Variants in LATS2 observed in about 807,000 individuals in gnomAD.
The protein encoded by LATS2 is serine/threonine-protein kinase LATS2.
A neutral mutation model predicts 76.0 loss-of-function variants in LATS2; 24 were observed. That is an observed-to-expected ratio of 0.32 (90% CI 0.23 to 0.44). LATS2 has a LOEUF of 0.44. Among genes scored for constraint, LATS2 ranks in the 20% least tolerant of loss-of-function variants. The probability of loss-of-function intolerance (pLI) is 1.00; values close to 1 mark genes in which losing one functional copy is unlikely to be tolerated. For synonymous variants in LATS2, 692 were observed against 635.4 expected (o/e 1.09, Z -1.34); for missense variants, 1,286 against 1,481.2 (o/e 0.87, Z 2.16).
In LATS2 at chr13:21,046,209, T is replaced by G; in HGVS notation, c.-183A>C. On this transcript the variant is annotated 5_prime_UTR_variant, in exon 2 of 8. Coordinates refer to ENST00000382592, the MANE Select transcript of LATS2 (RefSeq NM_014572.3). ...GAGAACCTAAAATTTTCCAAAGTCTTCATTTTGAAGATTATCACTCTCTGA... is the reference window on the plus strand; with the variant it reads ...GAGAACCTAAAATTTTCCAAAGTCTGCATTTTGAAGATTATCACTCTCTGA... 2.0e-6 allele frequency: 1 copy of G among 498,458 alleles called. No homozygotes were observed. 30.9% of individuals were successfully genotyped at this position (498,458 alleles called of 1,614,324 possible).
chr13:20,988,571 G>A lies in LATS2; in HGVS notation c.1209C>T (p.Pro403=), dbSNP rs755891065. Residue 403 remains proline, a synonymous_variant, in exon 4 of 8, where the codon CCC becomes CCT. Transcript: ENST00000382592. ...GGCTGTTGAAGGAGTTGGTCCTGCTGGGCACTGGGCAGTCAGGCCGGAAGG... is the reference window on the plus strand; with the variant it reads ...GGCTGTTGAAGGAGTTGGTCCTGCTAGGCACTGGGCAGTCAGGCCGGAAGG... ...HVAFRPDCPV[P]SRTNSFNSHQ... 1.9e-6 allele frequency: 3 copies of A among 1,586,800 alleles called. No individual in the cohort carries two copies. In the South Asian group the frequency reaches 3.3e-5, roughly 18 times the overall value.
chr13:20,996,352 T>C (rs1302773104), intron 2 of LATS2, among the ~76,000 whole-genome samples: 5 of 151,808 alleles, frequency 3.3e-5, no homozygotes, highest in African/African-American at 1.2e-4. Context: ...GCATTTTTTT[T>C]CTACCTACAT....
intron 2 of LATS2, among the ~76,000 whole-genome samples, chr13:21,024,133 T>A (rs796256509): frequency 1.7e-4 from 24 of 141,998 alleles, no homozygotes; most frequent in African/African-American, 5.4e-4. Context: ...AAAAAACAGC[T>A]TGAAAAATAA....
chr13:21,040,596 C>T (rs990066556), intron 2 of LATS2, among the ~76,000 whole-genome samples: 2 of 152,094 alleles, frequency 1.3e-5, no homozygotes, highest in Non-Finnish European at 2.9e-5. Flanking sequence ...GCGGGAAGAG[C>T]TGTCTGGGAG....
intron 2 of LATS2, among the ~76,000 whole-genome samples, chr13:21,003,417 A>C (rs1173229225): frequency 6.7e-6 from 1 of 148,970 alleles, no homozygotes; most frequent in Non-Finnish European, 1.5e-5. Context: ...ACACACAACT[A>C]ATTTTTGTCT....
chr13:20,996,532 C>T (rs1172053851), intron 2 of LATS2, among the ~76,000 whole-genome samples: 1 of 152,076 alleles, frequency 6.6e-6, no homozygotes, highest in Non-Finnish European at 1.5e-5. Flanking sequence ...CATGAACCAC[C>T]ACCATACCTG....
chr13:20,996,634 G>A (rs1410594325), intron 2 of LATS2, among the ~76,000 whole-genome samples: 1 of 152,178 alleles, frequency 6.6e-6, no homozygotes, highest in East Asian at 1.9e-4. Context: ...ACCTGCCTCA[G>A]CTTCCCAAGG....
chr13:21,006,613 G>A (rs1205636915), intron 2 of LATS2, among the ~76,000 whole-genome samples: 1 of 152,174 alleles, frequency 6.6e-6, no homozygotes, highest in Non-Finnish European at 1.5e-5. Flanking sequence ...AAATTAAGTA[G>A]GCTGAATATG....
intron 1 of LATS2, among the ~76,000 whole-genome samples, chr13:21,058,008 T>C (rs1454581243): frequency 6.6e-6 from 1 of 152,192 alleles, no homozygotes; most frequent in Non-Finnish European, 1.5e-5. Flanking sequence ...CCTGGACTTG[T>C]GTAATTTGAA....
At chr13:20,985,299 G>C (rs992259600) in intron 4 of LATS2, among the ~76,000 whole-genome samples, 2 of 152,180 alleles carry the variant, frequency 1.3e-5, no homozygotes, top group African/African-American at 4.8e-5. Context: ...CTTCTGCAGA[G>C]CAAAGGAAAC....
Position 20,976,757 on chromosome 13 carries a change from A to AG in LATS2, c.2773-1394dup, listed in dbSNP as rs1869642620. Among the ~76,000 whole-genome samples the AG allele has an allele frequency of 2.6e-5, 4 of 152,194 alleles. No homozygotes were observed. In the South Asian group the frequency reaches 8.3e-4, roughly 31 times the overall value. ...AATGAGATACCACCTTACATCCCCT[A>AG]GGGTGGCTACTACTTAAAAAAAACA... On this transcript the variant is annotated intron_variant, in intron 7 of 7. Coordinates refer to ENST00000382592, the MANE Select transcript of LATS2 (RefSeq NM_014572.3).
chr13:21,010,904 G>A (rs1595232979), intron 2 of LATS2, among the ~76,000 whole-genome samples: 1 of 152,218 alleles, frequency 6.6e-6, no homozygotes, highest in African/African-American at 2.4e-5. Context: ...AAATGGACCT[G>A]AGTGAGAACA....
At position 21,032,163 on chromosome 13, in the gene LATS2, T is replaced by A. The variant is rs575579618; in HGVS notation, c.342+13522A>T. On this transcript the variant is annotated intron_variant, in intron 2 of 7. Transcript: ENST00000382592. ...GATAATACGTTGCAGCAACACTGCA[T>A]TCTAATGGGTTAGGTACTCTGTTTT... is the stretch of plus-strand genomic sequence containing the variant. 5.3e-5 allele frequency among the ~76,000 whole-genome samples: 8 copies of A among 152,348 alleles called. 1 individual carries two copies. The South Asian group carries it at 1.7e-3, about 32-fold the overall frequency.
At chr13:20,981,757 A>T in intron 5 of LATS2, 109 bp from the exon 6 acceptor site, 1 of 890,584 alleles carries the variant, frequency 1.1e-6, no homozygotes, top group East Asian at 2.7e-5. Context: ...AGTCATTCCA[A>T]TCAGCTCCTG....
intron 6 of LATS2, among the ~76,000 whole-genome samples, chr13:20,980,257 G>A (rs970015395): frequency 6.6e-6 from 1 of 152,134 alleles, no homozygotes; most frequent in East Asian, 1.9e-4. Flanking sequence ...AAAACCCACC[G>A]GACAATTCAC....
chr13:20,998,845 T>C (rs943376049), intron 2 of LATS2, among the ~76,000 whole-genome samples: 20 of 151,296 alleles, frequency 1.3e-4, no homozygotes, highest in African/African-American at 4.4e-4. Context: ...GCACGCCGGG[T>C]GGGGGCCCTG....
chr13:21,028,923 C>A (rs1435206513), intron 2 of LATS2, among the ~76,000 whole-genome samples: 1 of 152,160 alleles, frequency 6.6e-6, no homozygotes, highest in East Asian at 1.9e-4. Flanking sequence ...CTGATTTTTG[C>A]ATACTGACCT....
intron 7 of LATS2, among the ~76,000 whole-genome samples, chr13:20,978,105 CG>C (rs1244827478): frequency 3.3e-5 from 5 of 151,974 alleles, no homozygotes; most frequent in African/African-American, 1.2e-4. Flanking sequence ...TCAGTAGAGA[CG>C]GGGTTTCACT....
At chr13:20,996,386 T>C (rs1870751188) in intron 2 of LATS2, among the ~76,000 whole-genome samples, 1 of 151,608 alleles carries the variant, frequency 6.6e-6, no homozygotes, top group African/African-American at 2.4e-5. Context: ...GATTTTTTTT[T>C]TTTTTTTTTT....
Sources: gnomAD v4.1 joint callset for allele counts (sites outside exome capture counted in the v4.1 genomes callset) on GRCh38, gnomAD v4.1.1 for gene constraint, MANE v1.5 for transcripts, NCBI Gene and HGNC (gene_info 2026-07-23, HGNC 2026-07-21) for gene names.